The following MCTP1 variants were observed in gnomAD, a reference collection of about 807,000 sequenced individuals.
MCTP1 encodes the protein multiple C2 and transmembrane domain-containing protein 1.
Under a neutral mutation model 120.6 loss-of-function variants are expected in MCTP1, and 69 were observed. That is an observed-to-expected ratio of 0.57 (90% CI 0.47 to 0.70). The LOEUF (loss-of-function observed/expected upper bound fraction) is 0.70, where lower values mean the gene tolerates loss of function less well. Among genes scored for constraint, MCTP1 ranks in the 30% least tolerant of loss-of-function variants. MCTP1 has a pLI of 0.00. For synonymous variants in MCTP1, 529 were observed against 493.1 expected (o/e 1.07, Z -0.96); for missense variants, 1,203 against 1,248.8 (o/e 0.96, Z 0.55).
At chr5:95,167,572 T>G (rs560700209) in intron 1 of MCTP1, among the ~76,000 whole-genome samples, 71 of 152,356 alleles carry the variant, frequency 4.7e-4, no homozygotes, top group African/African-American at 1.5e-3. Context: ...CAGCACCTGT[T>G]GTTTCCTGAC....
At chr5:94,799,343 A>G (rs575142117) in intron 17 of MCTP1, among the ~76,000 whole-genome samples, 1 of 152,276 alleles carries the variant, frequency 6.6e-6, no homozygotes, top group Admixed American at 6.5e-5. Flanking sequence ...AATCTGTTTA[A>G]TTTCTATGAA....
At chr5:95,004,669 G>T (rs1379698059) in intron 2 of MCTP1, among the ~76,000 whole-genome samples, 1 of 152,174 alleles carries the variant, frequency 6.6e-6, no homozygotes, top group Non-Finnish European at 1.5e-5. Context: ...CAAAAACCTT[G>T]GCAGCTTTCA....
intron 2 of MCTP1, among the ~76,000 whole-genome samples, chr5:94,991,657 T>C (rs2153615981): frequency 6.6e-6 from 1 of 152,206 alleles, no homozygotes; most frequent in South Asian, 2.1e-4. Flanking sequence ...GTGGATCACC[T>C]GATGTCAGGA....
intron 18 of MCTP1, among the ~76,000 whole-genome samples, chr5:94,780,000 T>G (rs1776227639): frequency 6.6e-6 from 1 of 152,138 alleles, no homozygotes; most frequent in African/African-American, 2.4e-5. Context: ...TTTTTAAAAT[T>G]GTTTTCCACA....
Position 94,870,588 on chromosome 5 carries a change from A to G in MCTP1, c.2242-97T>C. On this transcript the variant is annotated intron_variant, in intron 15 of 22. Transcript: ENST00000515393. The stretch of plus-strand genomic sequence containing the variant: ...ATTTGCAATAATTTCTAAAGTTTCA[A>G]AGTCCTGGCTGCTGTGCTCATAAAA... 4 of 919,730 alleles carry G rather than the reference A, an allele frequency of 4.3e-6. No homozygotes were observed. The South Asian group carries it at 5.6e-5, about 13-fold the overall frequency. The allele number at this position is 919,730 out of a possible 1,614,324, so 57.0% of individuals were successfully genotyped here.
intron 17 of MCTP1, among the ~76,000 whole-genome samples, chr5:94,856,720 C>T (rs547005049): frequency 6.6e-4 from 100 of 151,714 alleles, no homozygotes; most frequent in African/African-American, 2.4e-3. Flanking sequence ...TAGGGAAACA[C>T]CTTGGGAAAT....
chr5:94,779,308 AG>A, intron 18 of MCTP1, 145 bp from the exon 19 acceptor site: 1 of 694,750 alleles, frequency 1.4e-6, no homozygotes, highest in Non-Finnish European at 2.6e-6. Flanking sequence ...GAGAGTGATT[AG>A]GAAAATGCTC....
At chr5:95,217,052 C>G (rs1753122400) in intron 1 of MCTP1, among the ~76,000 whole-genome samples, 1 of 152,090 alleles carries the variant, frequency 6.6e-6, no homozygotes, top group South Asian at 2.1e-4. Flanking sequence ...TGAAAATGCA[C>G]AGTAAAGATT....
chr5:94,953,804 C>T (rs940089889), intron 2 of MCTP1, among the ~76,000 whole-genome samples: 3 of 114,120 alleles, frequency 2.6e-5, no homozygotes, highest in Admixed American at 1.0e-4. Flanking sequence ...CATATATATA[C>T]ATATATATAT....
In MCTP1 at chr5:95,125,917, T is replaced by C. The variant is rs184438318; in HGVS notation, c.721-108433A>G. Among the ~76,000 whole-genome samples the C allele has an allele frequency of 1.3e-3, 191 of 152,352 alleles. 1 individual carries two copies. Among genetic ancestry groups the C allele is most frequent in the African/African-American group, 4.4e-3 (183 of 41,576 alleles). On this transcript the variant is annotated intron_variant, in intron 1 of 22. Transcript: ENST00000515393. Reference sequence around the variant, plus strand: ...ATCCAACAAGACCTTCTTCAACTTCTCTTCAAATTACTCCAAAACTGCAAG... The same window carrying C: ...ATCCAACAAGACCTTCTTCAACTTCCCTTCAAATTACTCCAAAACTGCAAG...
At chr5:94,744,498 G>C (rs1405603104) in intron 19 of MCTP1, among the ~76,000 whole-genome samples, 1 of 148,732 alleles carries the variant, frequency 6.7e-6, no homozygotes, top group African/African-American at 2.5e-5. Context: ...TCTCAGTTTT[G>C]GTTTCACTAA....
At chr5:95,015,830 C>T (rs1013250842) in intron 2 of MCTP1, among the ~76,000 whole-genome samples, 4 of 151,898 alleles carry the variant, frequency 2.6e-5, no homozygotes, top group African/African-American at 9.7e-5. Flanking sequence ...ATAAACAATG[C>T]TACAATAAAT....
intron 1 of MCTP1, among the ~76,000 whole-genome samples, chr5:95,208,366 C>G (rs10055315): frequency 0.16 from 24,417 of 152,142 alleles, 2,439 homozygotes; most frequent in Non-Finnish European, 0.22. Context: ...GCTGGGATTA[C>G]AGGCGTGAGC....
At chr5:95,001,277 T>TA (rs1208055305) in intron 2 of MCTP1, among the ~76,000 whole-genome samples, 1 of 152,148 alleles carries the variant, frequency 6.6e-6, no homozygotes, top group Non-Finnish European at 1.5e-5. Flanking sequence ...TACAGTAAAT[T>TA]GGTACCAGGA....
chr5:95,059,209 A>G (rs916294798), intron 1 of MCTP1, among the ~76,000 whole-genome samples: 5 of 7,200 alleles, frequency 6.9e-4, no homozygotes, highest in African/African-American at 9.8e-4. Flanking sequence ...AAAATGTGGC[A>G]TATATATATA....
chr5:94,755,718 G>T (rs748186624), intron 19 of MCTP1, among the ~76,000 whole-genome samples: 5 of 151,892 alleles, frequency 3.3e-5, no homozygotes. Context: ...TCATCCTCCC[G>T]TTGCCCTTTA....
At chr5:94,769,693 T>C (rs1007690168) in intron 19 of MCTP1, among the ~76,000 whole-genome samples, 1 of 152,194 alleles carries the variant, frequency 6.6e-6, no homozygotes, top group African/African-American at 2.4e-5. Context: ...TGTGGATCTT[T>C]TTCTTTATAT....
At chr5:94,899,007 T>C (rs746708707) in intron 10 of MCTP1, among the ~76,000 whole-genome samples, 3 of 152,210 alleles carry the variant, frequency 2.0e-5, no homozygotes, top group Non-Finnish European at 4.4e-5. Flanking sequence ...AATTATCTTA[T>C]AGGCAATGAA....
intron 16 of MCTP1, among the ~76,000 whole-genome samples, 167 bp from the exon 17 acceptor site, chr5:94,868,619 GA>G (rs777210980): frequency 7.2e-5 from 11 of 151,856 alleles, no homozygotes; most frequent in Non-Finnish European, 1.0e-4. Context: ...TTATTTCTGA[GA>G]AAGTGGAAAG....
Sources: allele counts gnomAD v4.1 joint callset (sites outside exome capture counted in the v4.1 genomes callset), GRCh38; gene constraint gnomAD v4.1.1; transcripts MANE v1.5; gene names NCBI Gene and HGNC (gene_info 2026-07-23, HGNC 2026-07-21).